The following UBFD1 variants were observed in gnomAD, a reference collection of about 807,000 sequenced individuals.
UBFD1 encodes ubiquitin family domain containing 1, also known as ubiquitin domain-containing protein UBFD1.
UBFD1 carries 12 observed loss-of-function variants against 35.1 expected under a neutral mutation model. That is an observed-to-expected ratio of 0.34 (90% CI 0.22 to 0.55). The LOEUF (loss-of-function observed/expected upper bound fraction) is 0.55, where lower values mean the gene tolerates loss of function less well. Ranked by LOEUF, UBFD1 falls within the 20% of genes least tolerant of loss-of-function variation. The pLI is 0.89. For missense variants in UBFD1, 337 were observed against 410.8 expected (o/e 0.82, Z 1.55); for synonymous variants, 178 against 167.6 (o/e 1.06, Z -0.48).
chr16:23,562,006 C>T (rs1381468237), intron 3 of UBFD1, 200 bp from the exon 4 acceptor site: 1 of 549,188 alleles, frequency 1.8e-6, no homozygotes, highest in Non-Finnish European at 3.2e-6. Context: ...TAGTGGCTAG[C>T]ACAGGTACGA....
At chr16:23,559,412 C>T in intron 2 of UBFD1, 56 bp from the exon 3 acceptor site, 1 of 1,486,078 alleles carries the variant, frequency 6.7e-7, no homozygotes, top group Non-Finnish European at 9.2e-7. Context: ...GTGTAGTATC[C>T]ATACATTTTT....
At position 23,572,843 on chromosome 16, in the gene UBFD1, T is replaced by TTG. The variant is rs1966104334; in HGVS notation, c.*2254_*2255insGT. 1 of 152,328 alleles carries TTG rather than the reference T, an allele frequency of 6.6e-6. No homozygotes were observed. Among genetic ancestry groups the TTG allele is most frequent in the Admixed American group, 6.5e-5 (1 of 15,286 alleles). 9.4% of individuals were successfully genotyped at this position (152,328 alleles called of 1,614,324 possible). On this transcript the variant is annotated 3_prime_UTR_variant, in exon 7 of 7. Transcript: ENST00000395878. ...CGTACGGAGCTGTTTGAGTATTGCTTTACAGAGCTCACTAAATCAGCTTCA... is the reference window on the plus strand; with the variant it reads ...CGTACGGAGCTGTTTGAGTATTGCTTTGTACAGAGCTCACTAAATCAGCTTCA...
At chr16:23,568,224 A>G (rs1200744020) in intron 6 of UBFD1, among the ~76,000 whole-genome samples, 1 of 135,062 alleles carries the variant, frequency 7.4e-6, no homozygotes, top group East Asian at 2.2e-4. Context: ...CAGTGGCGCT[A>G]TCTCGGCTCA....
At chr16:23,563,741 G>T (rs748358357) in intron 5 of UBFD1, among the ~76,000 whole-genome samples, 4 of 152,144 alleles carry the variant, frequency 2.6e-5, no homozygotes, top group Non-Finnish European at 5.9e-5. Context: ...CCAGCTTCTG[G>T]CCCGTTTGCC....
intron 4 of UBFD1, 49 bp downstream of exon 4, chr16:23,562,320 G>A (rs372639978): frequency 1.4e-4 from 212 of 1,563,816 alleles, no homozygotes; most frequent in Middle Eastern, 1.2e-3. Context: ...CAGCCCCACC[G>A]TCTGACTTGA....
At chr16:23,561,573 T>C (rs1224505773) in intron 3 of UBFD1, 1 of 152,268 alleles carries the variant, frequency 6.6e-6, no homozygotes, top group Non-Finnish European at 1.5e-5. Context: ...CATTTCTTTC[T>C]GAAAGGTGGC....
chr16:23,561,170 C>T (rs917385610), intron 3 of UBFD1, among the ~76,000 whole-genome samples: 5 of 152,104 alleles, frequency 3.3e-5, no homozygotes, highest in Admixed American at 1.3e-4. Context: ...GGATATAGTC[C>T]CTTGCCTTTT....
chr16:23,565,945 C>G (rs1297642058), intron 5 of UBFD1: 1 of 151,502 alleles, frequency 6.6e-6, no homozygotes, highest in Non-Finnish European at 1.5e-5. Flanking sequence ...CTGACCTCAC[C>G]CAGTCCCGCT....
At chr16:23,562,384 CAG>C (rs35228710) in intron 4 of UBFD1, 113 bp downstream of exon 4, 155,447 of 993,124 alleles carry the variant, frequency 0.16, 13,680 homozygotes, top group East Asian at 0.29. Flanking sequence ...TTTTTTGAGA[CAG>C]AGTCTTGCTC....
At chr16:23,568,215 A>T (rs911656903) in intron 6 of UBFD1, among the ~76,000 whole-genome samples, 1 of 138,960 alleles carries the variant, frequency 7.2e-6, no homozygotes, top group Non-Finnish European at 1.5e-5. Flanking sequence ...GCTGAAGTGC[A>T]GTGGCGCTAT....
Position 23,562,629 on chromosome 16 carries a change from G to A in UBFD1, c.635G>A (p.Arg212His), listed in dbSNP as rs756180251. ...VMPSVKGAQE[R>H]LPTVPLSGMY... ...ACCATTCTCTCGTGCCTTCAGGAGC[G>A]CCTGCCAACGGTACCGCTGTCCGGC... The change falls in exon 5 of 7, where the codon CGC (arginine) becomes CAC (histidine). Residue 212 changes from arginine (R) to histidine (H), a missense_variant. Arg to His is a conservative substitution (Grantham distance 29). Coordinates refer to ENST00000395878, the MANE Select transcript of UBFD1 (RefSeq NM_019116.3). 4.7e-5 allele frequency: 76 copies of A among 1,613,636 alleles called. No individual in the cohort carries two copies. The highest frequency in any genetic ancestry group is 3.3e-4 in the Middle Eastern group (2 of 6,076).
intron 6 of UBFD1, among the ~76,000 whole-genome samples, chr16:23,570,015 G>A (rs1966062304): frequency 6.6e-6 from 1 of 152,202 alleles, no homozygotes; most frequent in Non-Finnish European, 1.5e-5. Flanking sequence ...TATGTAGGTT[G>A]CCCCAGGTTT....
rs1469113158 is a variant in UBFD1, at chr16:23,574,345, G to A, written c.*3755G>A. 1 of 152,330 alleles carries A rather than the reference G, an allele frequency of 6.6e-6. No homozygotes were observed. Among genetic ancestry groups the A allele is most frequent in the African/African-American group, 2.4e-5 (1 of 41,312 alleles). The allele number at this position is 152,330 out of a possible 1,614,324, so 9.4% of individuals were successfully genotyped here. ...TGTAACCTTGAATAGCTGTCTTATT[G>A]TTTATCCTGTAAGATTAGTCAATCG... is the stretch of plus-strand genomic sequence containing the variant. On this transcript the variant is annotated 3_prime_UTR_variant, in exon 7 of 7. Coordinates refer to ENST00000395878, the MANE Select transcript of UBFD1 (RefSeq NM_019116.3).
chr16:23,558,259 A>G lies in UBFD1; in HGVS notation c.335A>G (p.Gln112Arg). The G allele has an allele frequency of 6.2e-7, 1 of 1,605,014 alleles. No homozygotes were observed. Among genetic ancestry groups the G allele is most frequent in the Non-Finnish European group, 8.5e-7 (1 of 1,176,030 alleles). The change falls in exon 2 of 7, where the codon CAG becomes CGG. Residue 112 changes from glutamine (Q) to arginine (R), a missense_variant. Around this residue, in one of 4 missense-constraint regions of UBFD1, gnomAD observed 198 missense variants for 168.4 expected, o/e 1.18. Coordinates refer to ENST00000395878, the MANE Select transcript of UBFD1 (RefSeq NM_019116.3). ...PLDSTGSELK[Q>R]KIHSITGLPP... ...GACAGCACAGGCTCCGAGCTGAAAC[A>G]GAAGATCCACTCGATTACAGGTAAT...
chr16:23,558,040 C>T lies in UBFD1; in HGVS notation c.116C>T (p.Ala39Val), dbSNP rs1965847280. The T allele has an allele frequency of 7.5e-7, 1 of 1,338,936 alleles. No homozygotes were observed. The highest frequency in any genetic ancestry group is 9.5e-7 in the Non-Finnish European group (1 of 1,048,636). The allele number at this position is 1,338,936 out of a possible 1,614,324, so 82.9% of individuals were successfully genotyped here. A position where few individuals can be genotyped will look rare whatever the true frequency, so the allele number is the denominator to read the frequency against. ...GTCAACTGCCTGGAGGCTGAAGCCGCGGCGGGGGCGGCGGCCGAGGACTCC... is the reference window on the plus strand; with the variant it reads ...GTCAACTGCCTGGAGGCTGAAGCCGTGGCGGGGGCGGCGGCCGAGGACTCC... ...RPVNCLEAEA[A>V]AGAAAEDSGA... Residue 39 changes from alanine (A) to valine (V), a missense_variant, in exon 2 of 7, where the codon GCG (alanine) becomes GTG (valine). By Grantham distance (64) the Ala-to-Val change is moderately conservative. Around this residue, in one of 4 missense-constraint regions of UBFD1, gnomAD observed 198 missense variants for 168.4 expected, o/e 1.18. Coordinates refer to ENST00000395878, the MANE Select transcript of UBFD1 (RefSeq NM_019116.3).
intron 2 of UBFD1, among the ~76,000 whole-genome samples, chr16:23,558,821 C>T (rs140676786): frequency 0.024 from 3,536 of 149,894 alleles, 69 homozygotes; most frequent in Non-Finnish European, 0.04. Flanking sequence ...TGCTCTGTTG[C>T]CCAGGCTGGA....
intron 3 of UBFD1, among the ~76,000 whole-genome samples, chr16:23,560,305 A>G (rs2142211443): frequency 6.6e-6 from 1 of 152,322 alleles, no homozygotes; most frequent in Middle Eastern, 3.4e-3. Context: ...TCACGTAACG[A>G]GGAAAAGTGA....
chr16:23,569,920 C>T (rs1966061313), intron 6 of UBFD1, among the ~76,000 whole-genome samples: 1 of 152,112 alleles, frequency 6.6e-6, no homozygotes, highest in African/African-American at 2.4e-5. Flanking sequence ...CCATATGGAC[C>T]CAGTTGATAC....
Position 23,570,678 on chromosome 16 carries a change from C to G in UBFD1, c.*88C>G, listed in dbSNP as rs1267316499. Reference sequence around the variant, plus strand: ...TGCAGCATCCCTGGATTTCAGAGTTCTGGAACTTTGTTCATAAAAAATCTA... The same window carrying G: ...TGCAGCATCCCTGGATTTCAGAGTTGTGGAACTTTGTTCATAAAAAATCTA... On this transcript the variant is annotated 3_prime_UTR_variant, in exon 7 of 7. Coordinates refer to ENST00000395878, the MANE Select transcript of UBFD1 (RefSeq NM_019116.3). 39 of 1,108,672 alleles carry G rather than the reference C, an allele frequency of 3.5e-5. No individual in the cohort carries two copies. Among genetic ancestry groups the G allele is most frequent in the Non-Finnish European group, 8.0e-6 (6 of 751,490 alleles). The allele number at this position is 1,108,672 out of a possible 1,614,324, so 68.7% of individuals were successfully genotyped here.
Sources: gnomAD v4.1 joint callset for allele counts (sites outside exome capture counted in the v4.1 genomes callset) on GRCh38, gnomAD v4.1.1 for gene constraint, gnomAD v4.1.1 regional missense constraint, MANE v1.5 for transcripts, NCBI Gene and HGNC (gene_info 2026-07-23, HGNC 2026-07-21) for gene names.